Variants in CSMD1 observed in about 807,000 individuals in gnomAD.
CSMD1 encodes the protein CUB and sushi domain-containing protein 1.
In CSMD1, 213 loss-of-function variants were observed where a neutral mutation model predicts 417.5. The observed-to-expected ratio is 0.51, with a 90% CI of 0.46 to 0.57. The LOEUF is 0.57. Ranked by LOEUF, CSMD1 falls within the 20% of genes least tolerant of loss-of-function variation. The pLI, the probability that CSMD1 is intolerant of heterozygous loss-of-function variation, is 0.00. For missense variants in CSMD1, 6,923 were observed against 4,529.7 expected, an observed-to-expected ratio of 1.53 and a Z score of -15.17; for synonymous variants, 2,862 against 1,736.8, an observed-to-expected ratio of 1.65 and a Z score of -16.11.
chr8:4,009,982 T>TAGGC (rs1375784563), intron 4 of CSMD1, among the ~76,000 whole-genome samples: 1 of 152,196 alleles, frequency 6.6e-6, no homozygotes, highest in Non-Finnish European at 1.5e-5. Flanking sequence ...CATCTTATTT[T>TAGGC]CTGACCCCCT....
chr8:4,033,130 G>GAAAAA (rs58668077), intron 3 of CSMD1, among the ~76,000 whole-genome samples: 9 of 80,646 alleles, frequency 1.1e-4, no homozygotes, highest in Admixed American at 1.7e-4. Flanking sequence ...TTTCCAATAT[G>GAAAAA]AAAAAAAAAA....
At chr8:4,161,679 C>A (rs908140827) in intron 3 of CSMD1, among the ~76,000 whole-genome samples, 1 of 152,126 alleles carries the variant, frequency 6.6e-6, no homozygotes, top group Non-Finnish European at 1.5e-5. Flanking sequence ...AAAATTATTA[C>A]AATTTAGCAG....
chr8:3,869,636 T>C (rs915054977), intron 5 of CSMD1, among the ~76,000 whole-genome samples: 6 of 152,144 alleles, frequency 3.9e-5, no homozygotes, highest in African/African-American at 1.4e-4. Context: ...TGAGCTAACC[T>C]GGGGAAAGTT....
chr8:4,379,689 ATGAAG>A, intron 3 of CSMD1, among the ~76,000 whole-genome samples: 2 of 56,646 alleles, frequency 3.5e-5, no homozygotes, highest in African/African-American at 8.7e-5. Context: ...GAAGAGGGCA[ATGAAG>A]CAACAATGGC....
At chr8:3,860,546 A>T (rs1804629291) in intron 5 of CSMD1, among the ~76,000 whole-genome samples, 3 of 152,188 alleles carry the variant, frequency 2.0e-5, no homozygotes, top group Non-Finnish European at 2.9e-5. Flanking sequence ...GCCTGGATTT[A>T]CCAATGATAT....
intron 5 of CSMD1, among the ~76,000 whole-genome samples, chr8:3,954,651 C>T (rs927495202): frequency 6.6e-6 from 1 of 152,212 alleles, no homozygotes; most frequent in Non-Finnish European, 1.5e-5. Context: ...CGTGAGCCAC[C>T]GCACCTGGCC....
At chr8:4,064,064 C>T (rs773070569) in intron 3 of CSMD1, among the ~76,000 whole-genome samples, 23 of 152,104 alleles carry the variant, frequency 1.5e-4, no homozygotes, top group Admixed American at 7.9e-4. Flanking sequence ...CTGAGAAGTG[C>T]GCAGTGTGAA....
intron 1 of CSMD1, among the ~76,000 whole-genome samples, chr8:4,645,845 G>T (rs1803486065): frequency 1.3e-5 from 2 of 152,104 alleles, no homozygotes; most frequent in East Asian, 1.9e-4. Flanking sequence ...AGGCTTCATG[G>T]CACCCCACGC....
intron 1 of CSMD1, among the ~76,000 whole-genome samples, chr8:4,903,421 T>C (rs540952525): frequency 1.3e-5 from 2 of 152,210 alleles, no homozygotes; most frequent in South Asian, 4.1e-4. Context: ...GTTGAGTGAC[T>C]TTTTTTACCC....
chr8:3,856,302 T>C (rs571298506), intron 5 of CSMD1, among the ~76,000 whole-genome samples: 36 of 152,302 alleles, frequency 2.4e-4, no homozygotes, highest in African/African-American at 7.9e-4. Context: ...TCTTCCGCCA[T>C]GATTGTAAGT....
Position 3,326,920 on chromosome 8 carries a change from T to A in CSMD1, c.3631+16374A>T, listed in dbSNP as rs532703430. Among the ~76,000 whole-genome samples, 7 of 152,206 alleles carry A rather than the reference T, an allele frequency of 4.6e-5. No homozygotes were observed. The South Asian group carries it at 1.5e-3, about 32-fold the overall frequency. On this transcript the variant is annotated intron_variant, in intron 23 of 69. Coordinates refer to ENST00000635120, the MANE Select transcript of CSMD1 (RefSeq NM_033225.6). Reference sequence around the variant, plus strand: ...GATAGGAAAGTTTTGCTCATGCCTGTAATCTCGGCTCTTAGGGAGGAAGAG... The same window carrying A: ...GATAGGAAAGTTTTGCTCATGCCTGAAATCTCGGCTCTTAGGGAGGAAGAG...
intron 3 of CSMD1, among the ~76,000 whole-genome samples, chr8:4,334,172 G>T (rs1800028255): frequency 2.0e-5 from 3 of 152,116 alleles, no homozygotes; most frequent in Non-Finnish European, 4.4e-5. Flanking sequence ...TTCCCAAAGT[G>T]CTGGGATTAC....
intron 23 of CSMD1, among the ~76,000 whole-genome samples, chr8:3,310,741 C>T (rs940339572): frequency 7.9e-5 from 12 of 152,092 alleles, no homozygotes; most frequent in South Asian, 2.1e-4. Context: ...AGGTCCTGTC[C>T]GTGAAGAACA....
chr8:3,280,929 C>A (rs1802688932), intron 26 of CSMD1, among the ~76,000 whole-genome samples: 1 of 151,996 alleles, frequency 6.6e-6, no homozygotes, highest in South Asian at 2.1e-4. Context: ...GAAGTGATGG[C>A]CAGGTTTCAA....
At chr8:3,471,682 C>T (rs749897810) in intron 11 of CSMD1, among the ~76,000 whole-genome samples, 39 of 148,396 alleles carry the variant, frequency 2.6e-4, no homozygotes, top group Non-Finnish European at 5.2e-4. Context: ...CCCTCCCTTC[C>T]TTCCTTCCTT....
In CSMD1 at chr8:4,758,640, G is replaced by C. The variant is rs149038319; in HGVS notation, c.86-121082C>G. 1.1e-3 allele frequency among the ~76,000 whole-genome samples: 162 copies of C among 152,268 alleles called. 2 individuals are homozygous for C. The East Asian group carries it at 0.03, about 28-fold the overall frequency. On this transcript the variant is annotated intron_variant, in intron 1 of 69. Transcript: ENST00000635120. ...TGACTCAGTTCCACATGGCTGGGGA[G>C]GCCTCAGGAAACTTACAATCATGGC...
intron 1 of CSMD1, among the ~76,000 whole-genome samples, chr8:4,792,612 T>C (rs1797752741): frequency 6.6e-6 from 1 of 152,186 alleles, no homozygotes; most frequent in Non-Finnish European, 1.5e-5. Flanking sequence ...GAGTCTCTTA[T>C]GGCCCTCTTT....
intron 2 of CSMD1, among the ~76,000 whole-genome samples, chr8:4,453,474 C>T (rs1012315023): frequency 1.3e-5 from 2 of 152,196 alleles, no homozygotes; most frequent in East Asian, 1.9e-4. Flanking sequence ...GATGCGAAGT[C>T]TGGCTGAATT....
chr8:3,766,056 G>T (rs1194217856), intron 5 of CSMD1, among the ~76,000 whole-genome samples: 1 of 152,182 alleles, frequency 6.6e-6, no homozygotes, highest in African/African-American at 2.4e-5. Flanking sequence ...ACGTGCCAGG[G>T]AATTGCTCAG....
Sources: allele counts gnomAD v4.1 joint callset (sites outside exome capture counted in the v4.1 genomes callset), GRCh38; gene constraint gnomAD v4.1.1; transcripts MANE v1.5; gene names NCBI Gene and HGNC (gene_info 2026-07-23, HGNC 2026-07-21).